The following PKIB variants were observed in gnomAD, a reference collection of about 807,000 sequenced individuals.
PKIB encodes the protein cAMP-dependent protein kinase inhibitor beta.
In PKIB, 2 loss-of-function variants were observed where a neutral mutation model predicts 4.5. The ratio of observed to expected loss-of-function variants is 0.44; its 90% CI spans 0.18 to 1.39. PKIB has a LOEUF of 1.39. PKIB is among the 40% of genes most tolerant of loss of function. The pLI, the probability that PKIB is intolerant of heterozygous loss-of-function variation, is 0.27. For synonymous variants in PKIB, 38 were observed against 36.0 expected, an observed-to-expected ratio of 1.06 and a Z score of -0.20; for missense variants, 94 against 92.6, an observed-to-expected ratio of 1.02 and a Z score of -0.06.
At chr6:122,553,478 C>CTT (rs1562249215) in intron 2 of PKIB, among the ~76,000 whole-genome samples, 1 of 48,926 alleles carries the variant, frequency 2.0e-5, no homozygotes, top group African/African-American at 1.2e-4. Context: ...GCTCAAATAT[C>CTT]TTCTTTTTTT....
At chr6:122,701,476 G>C (rs1271270043) in intron 3 of PKIB, 1 of 1,594,266 alleles carries the variant, frequency 6.3e-7, no homozygotes, top group Non-Finnish European at 8.5e-7. Context: ...AACACAGGCT[G>C]AACCTGACAG....
intron 2 of PKIB, among the ~76,000 whole-genome samples, chr6:122,567,817 C>T (rs1017129948): frequency 4.6e-5 from 7 of 151,858 alleles, no homozygotes; most frequent in Non-Finnish European, 7.4e-5. Context: ...AATAATAAAG[C>T]GAAATTCAGA....
chr6:122,524,732 C>T (rs1364314793), intron 2 of PKIB, among the ~76,000 whole-genome samples: 1 of 151,838 alleles, frequency 6.6e-6, no homozygotes, highest in Non-Finnish European at 1.5e-5. Flanking sequence ...GGAATTTATC[C>T]ATTTCTTTTA....
chr6:122,700,055 A>C (rs1229034334), intron 3 of PKIB, among the ~76,000 whole-genome samples: 1 of 152,138 alleles, frequency 6.6e-6, no homozygotes, highest in Non-Finnish European at 1.5e-5. Context: ...TTAAGAACCT[A>C]TACTGTAGAG....
At chr6:122,712,830 T>A (rs1779327138) in intron 3 of PKIB, among the ~76,000 whole-genome samples, 1 of 152,112 alleles carries the variant, frequency 6.6e-6, no homozygotes, top group African/African-American at 2.4e-5. Context: ...GAAAATAATG[T>A]GTTTGAATTA....
chr6:122,474,120 CA>C (rs1317383569), intron 1 of PKIB, among the ~76,000 whole-genome samples: 1 of 152,120 alleles, frequency 6.6e-6, no homozygotes, highest in Non-Finnish European at 1.5e-5. Flanking sequence ...GTGATAAGAG[CA>C]AAACTCTGTC....
chr6:122,711,327 T>G (rs9388124), intron 3 of PKIB, among the ~76,000 whole-genome samples: 15,521 of 152,226 alleles, frequency 0.1, 901 homozygotes, highest in East Asian at 0.22. Context: ...GGAATCATGG[T>G]AATGGAAGAA....
chr6:122,480,759 AC>A (rs1775588840), intron 2 of PKIB: 1 of 152,132 alleles, frequency 6.6e-6, no homozygotes, highest in Admixed American at 6.5e-5. Flanking sequence ...CTGTACAAAT[AC>A]TTTTCTGTTA....
At chr6:122,539,126 A>C (rs766280470) in intron 2 of PKIB, among the ~76,000 whole-genome samples, 1 of 152,126 alleles carries the variant, frequency 6.6e-6, no homozygotes, top group African/African-American at 2.4e-5. Context: ...TTCATCTGCA[A>C]ACAGGTACAA....
At chr6:122,493,012 T>C (rs1775982057) in intron 2 of PKIB, among the ~76,000 whole-genome samples, 1 of 152,232 alleles carries the variant, frequency 6.6e-6, no homozygotes, top group South Asian at 2.1e-4. Context: ...TCATGAATTA[T>C]TGAAAAGGAT....
chr6:122,472,731 T>C (rs1017659734), intron 1 of PKIB, among the ~76,000 whole-genome samples: 1 of 152,188 alleles, frequency 6.6e-6, no homozygotes, highest in African/African-American at 2.4e-5. Flanking sequence ...TCCTAGTTAT[T>C]GTAACCACTA....
intron 2 of PKIB, among the ~76,000 whole-genome samples, chr6:122,647,989 C>T (rs1303293134): frequency 6.6e-6 from 1 of 152,170 alleles, no homozygotes; most frequent in African/African-American, 2.4e-5. Flanking sequence ...TAAGAGATGC[C>T]CTCAGGGATC....
intron 2 of PKIB, among the ~76,000 whole-genome samples, chr6:122,501,397 C>A (rs1005970609): frequency 1.2e-4 from 18 of 152,206 alleles, no homozygotes; most frequent in African/African-American, 3.9e-4. Flanking sequence ...GCCACTGCAG[C>A]GGACTTCTAC....
intron 2 of PKIB, among the ~76,000 whole-genome samples, chr6:122,635,273 G>T (rs1210164302): frequency 6.6e-6 from 1 of 152,118 alleles, no homozygotes; most frequent in Non-Finnish European, 1.5e-5. Context: ...CTTGCCAAAT[G>T]CACACATTTA....
At chr6:122,629,519 A>T (rs541016563) in intron 1 of PKIB, among the ~76,000 whole-genome samples, 1 of 152,336 alleles carries the variant, frequency 6.6e-6, no homozygotes, top group South Asian at 2.1e-4. Flanking sequence ...GAGGTAGAAA[A>T]TAACTCCTTT....
At chr6:122,700,818 A>C (rs1363194989) in intron 3 of PKIB, among the ~76,000 whole-genome samples, 1 of 152,190 alleles carries the variant, frequency 6.6e-6, no homozygotes, top group Admixed American at 6.5e-5. Flanking sequence ...CCTTTCTCAG[A>C]AGTGGCTGCC....
chr6:122,547,714 C>T (rs971968774), intron 2 of PKIB, among the ~76,000 whole-genome samples: 11 of 145,480 alleles, frequency 7.6e-5, no homozygotes, highest in African/African-American at 2.8e-4. Flanking sequence ...CCACGCACAG[C>T]TGCATGGCCG....
At chr6:122,649,432 C>G (rs1776460614) in intron 2 of PKIB, among the ~76,000 whole-genome samples, 1 of 152,190 alleles carries the variant, frequency 6.6e-6, no homozygotes, top group Admixed American at 6.5e-5. Flanking sequence ...GCAAGACCAT[C>G]TGTAAACCAC....
intron 2 of PKIB, among the ~76,000 whole-genome samples, chr6:122,585,738 A>G (rs1053552474): frequency 2.6e-5 from 4 of 152,106 alleles, no homozygotes; most frequent in African/African-American, 9.7e-5. Flanking sequence ...CCATGCCACT[A>G]TCCTGCTTCC....
Sources: gnomAD v4.1 joint callset for allele counts (sites outside exome capture counted in the v4.1 genomes callset) on GRCh38, gnomAD v4.1.1 for gene constraint, MANE v1.5 for transcripts, NCBI Gene and HGNC (gene_info 2026-07-23, HGNC 2026-07-21) for gene names.